KAZN: variants seen among roughly 807,000 people sequenced by gnomAD.
KAZN encodes the protein kazrin, periplakin interacting protein.
A neutral mutation model predicts 87.4 loss-of-function variants in KAZN; 40 were observed. The ratio of observed to expected loss-of-function variants is 0.46; its 90% confidence interval spans 0.36 to 0.60. KAZN has a LOEUF of 0.60. KAZN is among the 20% of genes least tolerant of loss of function. The pLI is 0.00. For missense variants in KAZN, 898 were observed against 1,073.9 expected (o/e 0.84, Z 2.29); for synonymous variants, 466 against 458.3 (o/e 1.02, Z -0.22).
At chr1:14,410,633 G>T (rs781497629) in intron 2 of KAZN, among the ~76,000 whole-genome samples, 7 of 152,200 alleles carry the variant, frequency 4.6e-5, no homozygotes, top group Non-Finnish European at 1.0e-4. Context: ...TCATATCCTG[G>T]ATTACCCAGG....
chr1:14,681,604 T>C lies in KAZN; in HGVS notation c.226+82381T>C, dbSNP rs1557885444. Among the ~76,000 whole-genome samples the C allele has an allele frequency of 7.2e-5, 3 of 41,578 alleles. No homozygotes were observed. The South Asian group carries it at 4.2e-3, about 58-fold the overall frequency. The allele number at this position is 41,578 out of a possible 152,430, so 27.3% of individuals were successfully genotyped here. A position where few individuals can be genotyped will look rare whatever the true frequency, so the allele number is the denominator to read the frequency against. On this transcript the variant is annotated intron_variant, in intron 1 of 14. Coordinates refer to ENST00000376030, the MANE Select transcript of KAZN (RefSeq NM_201628.3). Reference sequence around the variant, plus strand: ...ATTTGCCATTTTAACTATATATATATGTATATGTGTATATATATATATATA... The same window carrying C: ...ATTTGCCATTTTAACTATATATATACGTATATGTGTATATATATATATATA...
intron 1 of KAZN, among the ~76,000 whole-genome samples, chr1:14,749,280 G>A (rs1034070695): frequency 6.6e-6 from 1 of 152,172 alleles, no homozygotes; most frequent in Non-Finnish European, 1.5e-5. Context: ...CTAATTTGAT[G>A]TTCCAGGTGG....
At chr1:14,373,466 C>T (rs530727079) in intron 2 of KAZN, among the ~76,000 whole-genome samples, 3 of 152,188 alleles carry the variant, frequency 2.0e-5, no homozygotes, top group African/African-American at 7.2e-5. Context: ...GCCTTTTTGT[C>T]AATAAATATT....
At chr1:14,143,458 C>A (rs1318254787) in intron 1 of KAZN, among the ~76,000 whole-genome samples, 1 of 152,074 alleles carries the variant, frequency 6.6e-6, no homozygotes, top group East Asian at 1.9e-4. Context: ...TTTAGATTTC[C>A]TACTGTGAAA....
chr1:14,261,625 A>C (rs1283435725), intron 2 of KAZN, among the ~76,000 whole-genome samples: 1 of 152,210 alleles, frequency 6.6e-6, no homozygotes, highest in Admixed American at 6.5e-5. Flanking sequence ...TTGTAAAATC[A>C]TGCTGACATT....
rs1209314359 is a variant in KAZN at position 14,949,629 on chromosome 1, C to T, written c.227-11055C>T. ...GTAGCCTCTGCCATGAAGGTGTTACCCAAACCTCCGGCAGACCCCAGGGGG... is the reference window on the plus strand; with the variant it reads ...GTAGCCTCTGCCATGAAGGTGTTACTCAAACCTCCGGCAGACCCCAGGGGG... On this transcript the variant is annotated intron_variant, in intron 1 of 14. Transcript: ENST00000376030. The surrounding 1 kb of genome is among the most constrained non-coding windows in gnomAD (Gnocchi z 4.3). Among the ~76,000 whole-genome samples the T allele has an allele frequency of 6.6e-6, 1 of 152,210 alleles. No individual in the cohort carries two copies. The highest frequency in any genetic ancestry group is 2.4e-5 in the African/African-American group (1 of 41,430).
chr1:14,154,956 TCC>T (rs1570891350), intron 1 of KAZN, among the ~76,000 whole-genome samples: 2 of 80,048 alleles, frequency 2.5e-5, no homozygotes, highest in East Asian at 4.3e-4. Flanking sequence ...TAGTTTTTCT[TCC>T]TTCCTTCCTT....
At chr1:14,697,497 A>G (rs563611738) in intron 1 of KAZN, among the ~76,000 whole-genome samples, 1 of 152,306 alleles carries the variant, frequency 6.6e-6, no homozygotes, top group Non-Finnish European at 1.5e-5. Context: ...TAAGTGCCTC[A>G]CATTGAAAGC....
rs1308792039 is a variant in KAZN at position 15,021,028 on chromosome 1, AG to A, written c.419-13717del. On this transcript the variant is annotated intron_variant, in intron 2 of 14. Transcript: ENST00000376030. The surrounding 1 kb of genome is among the most constrained non-coding windows in gnomAD (Gnocchi z 4.2). ...CCCTGCTGTGTCTCTGTTACGCAGC[AG>A]GGGTGAGACCAGTCCATATCACTAG... is the stretch of plus-strand genomic sequence containing the variant. 6.6e-6 allele frequency among the ~76,000 whole-genome samples: 1 copy of A among 152,184 alleles called. No homozygotes were observed. The highest frequency in any genetic ancestry group is 1.5e-5 in the Non-Finnish European group (1 of 68,030).
intron 1 of KAZN, among the ~76,000 whole-genome samples, chr1:14,959,564 G>A (rs925992969): frequency 1.3e-5 from 2 of 152,194 alleles, no homozygotes; most frequent in Admixed American, 6.5e-5. Context: ...ACCAGCATGC[G>A]GCTGGTGAGT....
intron 2 of KAZN, among the ~76,000 whole-genome samples, chr1:14,977,383 G>A (rs1316703954): frequency 6.6e-6 from 1 of 152,212 alleles, no homozygotes; most frequent in Non-Finnish European, 1.5e-5. Flanking sequence ...CACACCCTCA[G>A]GTATGTACCC....
chr1:14,947,284 AGAGG>A (rs1350953172), intron 1 of KAZN, among the ~76,000 whole-genome samples: 2 of 152,088 alleles, frequency 1.3e-5, no homozygotes, highest in Non-Finnish European at 2.9e-5. Flanking sequence ...AGGGTGGGGA[AGAGG>A]GAGGATGGAT....
chr1:14,010,892 C>A (rs903749628), intron 1 of KAZN, among the ~76,000 whole-genome samples: 1 of 152,236 alleles, frequency 6.6e-6, no homozygotes, highest in African/African-American at 2.4e-5. Context: ...AAGAGTGTAA[C>A]TCTTTGCCAA....
intron 1 of KAZN, among the ~76,000 whole-genome samples, chr1:14,841,178 G>C (rs1647930982): frequency 6.6e-6 from 1 of 151,834 alleles, no homozygotes; most frequent in African/African-American, 2.4e-5. Flanking sequence ...AGCACTTTGG[G>C]AGGCCAAGGC....
chr1:14,570,528 G>GT (rs1157482024), intron 2 of KAZN, among the ~76,000 whole-genome samples: 2 of 152,174 alleles, frequency 1.3e-5, no homozygotes, highest in African/African-American at 4.8e-5. Flanking sequence ...CTCTAAGCAT[G>GT]TTTTTGGGGT....
intron 1 of KAZN, among the ~76,000 whole-genome samples, chr1:14,163,865 G>A (rs1017339783): frequency 6.6e-6 from 1 of 152,166 alleles, no homozygotes; most frequent in Admixed American, 6.5e-5. Context: ...TACGTAGCAA[G>A]AACCTTCTGT....
intron 3 of KAZN, among the ~76,000 whole-genome samples, chr1:15,035,783 G>A (rs1419804521): frequency 6.6e-6 from 1 of 152,188 alleles, no homozygotes; most frequent in Non-Finnish European, 1.5e-5. Flanking sequence ...AGGTTGCAGT[G>A]AGCCGAGATC....
chr1:14,529,027 G>A lies in KAZN; in HGVS notation c.250-69956G>A, dbSNP rs548855205. Among the ~76,000 whole-genome samples the A allele has an allele frequency of 5.3e-5, 8 of 151,766 alleles. No homozygotes were observed. In the East Asian group the frequency reaches 7.9e-4, roughly 15 times the overall value. The stretch of plus-strand genomic sequence containing the variant: ...TAACAAAATAATTGTCTTTCGGCCC[G>A]GCGCGGTGGCTCATGCCTGTAATCC... On this transcript the variant is annotated intron_variant, in intron 2 of 16. Transcript: ENST00000636203.
chr1:14,970,230 GT>G (rs1664880647), intron 2 of KAZN, among the ~76,000 whole-genome samples: 1 of 152,148 alleles, frequency 6.6e-6, no homozygotes, highest in Non-Finnish European at 1.5e-5. Flanking sequence ...CAGTTTCCCC[GT>G]TAAGATCCTT....
Sources: allele counts gnomAD v4.1 joint callset (sites outside exome capture counted in the v4.1 genomes callset), GRCh38; gene constraint gnomAD v4.1.1; non-coding constraint Gnocchi (gnomAD v3.1); transcripts MANE v1.5; gene names NCBI Gene and HGNC (gene_info 2026-07-23, HGNC 2026-07-21).